The following CPS1 variants were observed in gnomAD, a reference collection of about 807,000 sequenced individuals.
The protein encoded by CPS1 is carbamoyl-phosphate synthase [ammonia], mitochondrial.
A neutral mutation model predicts 174.6 loss-of-function variants in CPS1; 109 were observed. That is an observed-to-expected ratio of 0.62 (90% CI 0.53 to 0.73). The LOEUF (loss-of-function observed/expected upper bound fraction) is 0.73. CPS1 is among the 30% of genes least tolerant of loss of function. The pLI is 0.00. For missense variants in CPS1, 1,689 were observed against 1,821.9 expected (o/e 0.93, Z 1.33); for synonymous variants, 637 against 632.0 (o/e 1.01, Z -0.12).
intron 21 of CPS1, among the ~76,000 whole-genome samples, chr2:210,634,648 C>T (rs1450111498): frequency 6.6e-6 from 1 of 152,128 alleles, no homozygotes; most frequent in East Asian, 1.9e-4. Context: ...CCCACAGCAC[C>T]TCTCATGATG....
In CPS1 at chr2:210,592,103, T is replaced by A. The variant is rs1698325727; in HGVS notation, c.1086+134T>A. On this transcript the variant is annotated intron_variant, in intron 10 of 37. Transcript: ENST00000233072. ...GATACATGCATATCATATGTAATGA[T>A]CAAATCACACTAGGATAACCATCAC... 3.9e-6 allele frequency: 4 copies of A among 1,021,380 alleles called. No homozygotes were observed. The Admixed American group carries it at 9.2e-5, about 23-fold the overall frequency. 63.3% of individuals were successfully genotyped at this position (1,021,380 alleles called of 1,614,324 possible).
chr2:210,521,725 A>G (rs931200315), intron 1 of CPS1, among the ~76,000 whole-genome samples: 16 of 151,932 alleles, frequency 1.1e-4, no homozygotes, highest in African/African-American at 3.9e-4. Flanking sequence ...TTATGAAATA[A>G]CTACTTTAAT....
chr2:210,549,652 G>A (rs1696670534), intron 1 of CPS1, among the ~76,000 whole-genome samples: 1 of 151,992 alleles, frequency 6.6e-6, no homozygotes, highest in South Asian at 2.1e-4. Flanking sequence ...AGAATAATGA[G>A]ATGATCTTGG....
chr2:210,566,873 T>G (rs1327447917), intron 1 of CPS1, among the ~76,000 whole-genome samples: 1 of 152,142 alleles, frequency 6.6e-6, no homozygotes, highest in African/African-American at 2.4e-5. Flanking sequence ...AGAATGGAGT[T>G]CTCGGTGACA....
intron 16 of CPS1, 56 bp downstream of exon 16, chr2:210,602,386 C>A: frequency 1.9e-6 from 3 of 1,587,738 alleles, no homozygotes; most frequent in African/African-American, 2.7e-5. Context: ...CTTGATAGAC[C>A]TTTTCAACTA....
At chr2:210,661,807 A>G (rs973090378) in intron 32 of CPS1, among the ~76,000 whole-genome samples, 37 of 151,510 alleles carry the variant, frequency 2.4e-4, no homozygotes, top group Admixed American at 1.6e-3. Context: ...TTTTAAGTTC[A>G]TGTTTCTTTA....
At chr2:210,656,697 T>C in intron 30 of CPS1, 65 bp downstream of exon 30, 1 of 1,193,464 alleles carries the variant, frequency 8.4e-7, no homozygotes, top group South Asian at 1.3e-5. Context: ...CCTAAGGTTT[T>C]TTTTTTTTTT....
At chr2:210,512,170 G>A (rs1695512028) in intron 1 of CPS1, among the ~76,000 whole-genome samples, 1 of 151,982 alleles carries the variant, frequency 6.6e-6, no homozygotes, top group Admixed American at 6.6e-5. Context: ...TTTTATGTGT[G>A]CAAATATTTA....
Position 210,592,975 on chromosome 2 carries a change from G to A in CPS1, c.1164+19G>A. ...CACTGAGGTACGTCAAAAAGATGAG[G>A]CCTATTATGTATGCAAAAAAAAAAT... On this transcript the variant is annotated intron_variant, in intron 11 of 37. Transcript: ENST00000233072. 6.2e-7 allele frequency: 1 copy of A among 1,603,032 alleles called. No individual in the cohort carries two copies. The highest frequency in any genetic ancestry group is 8.5e-7 in the Non-Finnish European group (1 of 1,170,662).
intron 1 of CPS1, among the ~76,000 whole-genome samples, chr2:210,514,519 A>T (rs1360146480): frequency 1.3e-5 from 2 of 151,780 alleles, no homozygotes; most frequent in Admixed American, 1.3e-4. Context: ...GGATTTTTGT[A>T]CATTGATTTT....
At chr2:210,575,025 C>A (rs1020889509) in intron 2 of CPS1, among the ~76,000 whole-genome samples, 10 of 151,924 alleles carry the variant, frequency 6.6e-5, no homozygotes, top group Admixed American at 6.6e-4. Context: ...CATCTTTAAG[C>A]AATGCATTTA....
intron 1 of CPS1, among the ~76,000 whole-genome samples, chr2:210,538,460 T>A (rs1226519419): frequency 6.6e-6 from 1 of 152,046 alleles, no homozygotes; most frequent in African/African-American, 2.4e-5. Context: ...TATATTAAAA[T>A]GATATACTTA....
intron 1 of CPS1, among the ~76,000 whole-genome samples, chr2:210,500,609 A>T (rs564501533): frequency 2.6e-4 from 39 of 152,316 alleles, no homozygotes; most frequent in Non-Finnish European, 4.6e-4. Context: ...TTTGACTCTT[A>T]TGTCTCATAT....
chr2:210,589,382 C>T (rs1698211100), intron 7 of CPS1, among the ~76,000 whole-genome samples: 1 of 152,016 alleles, frequency 6.6e-6, no homozygotes, highest in Non-Finnish European at 1.5e-5. Context: ...CTAAGTTTTC[C>T]ATTCGAATAT....
At chr2:210,570,697 TC>T (rs1292218514) in intron 1 of CPS1, among the ~76,000 whole-genome samples, 9 of 152,034 alleles carry the variant, frequency 5.9e-5, no homozygotes, top group Admixed American at 2.6e-4. Context: ...TTTTTCTTTT[TC>T]TTTTCATTTT....
At chr2:210,515,156 G>T (rs1695648027) in intron 1 of CPS1, among the ~76,000 whole-genome samples, 1 of 148,948 alleles carries the variant, frequency 6.7e-6, no homozygotes, top group Admixed American at 6.7e-5. Context: ...CCTGCATTTT[G>T]TTTTTTTTTC....
intron 1 of CPS1, among the ~76,000 whole-genome samples, chr2:210,565,987 T>G (rs1426288919): frequency 6.6e-6 from 1 of 152,188 alleles, no homozygotes; most frequent in African/African-American, 2.4e-5. Flanking sequence ...TAATGCAGTT[T>G]TGATAAAGCC....
intron 19 of CPS1, 66 bp downstream of exon 19, chr2:210,608,625 T>C: frequency 6.6e-6 from 10 of 1,516,726 alleles, no homozygotes; most frequent in Admixed American, 1.7e-5. Context: ...TGTGACACCA[T>C]TGACAGTGTT....
At chr2:210,550,682 A>C (rs1332915643) in intron 1 of CPS1, among the ~76,000 whole-genome samples, 1 of 151,996 alleles carries the variant, frequency 6.6e-6, no homozygotes, top group Non-Finnish European at 1.5e-5. Flanking sequence ...ACTTACTGGC[A>C]TAACAGCAAG....
Sources: gnomAD v4.1 joint callset for allele counts (sites outside exome capture counted in the v4.1 genomes callset) on GRCh38, gnomAD v4.1.1 for gene constraint, MANE v1.5 for transcripts, NCBI Gene and HGNC (gene_info 2026-07-23, HGNC 2026-07-21) for gene names.